Variants in NEK6 observed in about 807,000 individuals in gnomAD.
The protein encoded by NEK6 is serine/threonine-protein kinase Nek6.
Under a neutral mutation model 43.5 loss-of-function variants are expected in NEK6, and 27 were observed. The observed-to-expected ratio is 0.62, with a 90% CI of 0.46 to 0.86. The LOEUF is 0.86. Ranked by LOEUF, NEK6 falls within the 40% of genes least tolerant of loss-of-function variation. The probability of loss-of-function intolerance (pLI) is 0.00; values close to 1 mark genes in which losing one functional copy is unlikely to be tolerated. For missense variants in NEK6, 318 were observed against 414.4 expected, an observed-to-expected ratio of 0.77 and a Z score of 2.02; for synonymous variants, 167 against 164.1, an observed-to-expected ratio of 1.02 and a Z score of -0.14.
At chr9:124,340,493 C>T (rs191284086) in intron 8 of NEK6, among the ~76,000 whole-genome samples, 37 of 152,320 alleles carry the variant, frequency 2.4e-4, no homozygotes, top group African/African-American at 6.5e-4. Flanking sequence ...TGAGCCCCTC[C>T]GCATCTATAA....
At chr9:124,316,399 G>A (rs1297369728) in intron 4 of NEK6, among the ~76,000 whole-genome samples, 1 of 152,192 alleles carries the variant, frequency 6.6e-6, no homozygotes, top group East Asian at 1.9e-4. Context: ...GTTACATCCG[G>A]GAGGGCCTGG....
intron 2 of NEK6, among the ~76,000 whole-genome samples, chr9:124,306,046 C>A (rs867293044): frequency 1.2e-4 from 19 of 152,202 alleles, no homozygotes; most frequent in Middle Eastern, 3.4e-3. Flanking sequence ...GCTCAAGGCT[C>A]AGGGAAGGTG....
chr9:124,292,639 T>C, intron 1 of NEK6: 1 of 1,446,636 alleles, frequency 6.9e-7, no homozygotes, highest in Admixed American at 2.0e-5. Context: ...GCGGTTCTGC[T>C]CTGAAATCCA....
In NEK6 at chr9:124,325,928, G is replaced by A. The variant is rs181306842; in HGVS notation, c.406-402G>A. The stretch of plus-strand genomic sequence containing the variant: ...CCCTCCTGGGCCAGGCTGGGGCTGG[G>A]GACAGGGAGAGTCCACACCCATTTC... On this transcript the variant is annotated intron_variant, in intron 5 of 9. Coordinates refer to ENST00000320246, the MANE Select transcript of NEK6 (RefSeq NM_014397.6). Among the ~76,000 whole-genome samples, 366 of 152,338 alleles carry A rather than the reference G, an allele frequency of 2.4e-3. 1 individual carries two copies. Among genetic ancestry groups the A allele is most frequent in the African/African-American group, 8.8e-3 (364 of 41,572 alleles).
chr9:124,271,357 C>T (rs867652083), intron 1 of NEK6, among the ~76,000 whole-genome samples: 4 of 152,234 alleles, frequency 2.6e-5, no homozygotes, highest in East Asian at 1.9e-4. Context: ...CCAGCTGTCA[C>T]GCTGTTCCCA....
At chr9:124,331,387 G>A (rs1828990827) in intron 7 of NEK6, among the ~76,000 whole-genome samples, 1 of 151,924 alleles carries the variant, frequency 6.6e-6, no homozygotes, top group South Asian at 2.1e-4. Flanking sequence ...ACATCCCTGT[G>A]GTCACCCAGT....
chr9:124,262,787 G>GA (rs896099628), intron 1 of NEK6: 4 of 152,178 alleles, frequency 2.6e-5, no homozygotes, highest in African/African-American at 9.7e-5. Context: ...AGAATTCTAA[G>GA]AAAAAAGGGG....
At chr9:124,263,487 C>CT (rs1445778468) in intron 1 of NEK6, among the ~76,000 whole-genome samples, 1 of 152,338 alleles carries the variant, frequency 6.6e-6, no homozygotes, top group East Asian at 1.9e-4. Flanking sequence ...ACCTCAGAAG[C>CT]TTCGGGGGAG....
chr9:124,278,999 T>A (rs955023199), intron 1 of NEK6, among the ~76,000 whole-genome samples: 1 of 152,126 alleles, frequency 6.6e-6, no homozygotes, highest in Non-Finnish European at 1.5e-5. Flanking sequence ...GGTTTTCTGA[T>A]CACAAAAGTG....
At chr9:124,327,519 C>T (rs1039837084) in intron 7 of NEK6, 74 bp downstream of exon 7, 13 of 1,156,138 alleles carry the variant, frequency 1.1e-5, no homozygotes, top group Non-Finnish European at 1.7e-5. Context: ...CAAACATTCT[C>T]CCCACGTGTG....
chr9:124,314,025 G>C, intron 4 of NEK6, 40 bp downstream of exon 4: 1 of 1,597,128 alleles, frequency 6.3e-7, no homozygotes, highest in Non-Finnish European at 8.6e-7. Flanking sequence ...GCCTCCTCGG[G>C]GAGGTTCTGG....
At position 124,321,473 on chromosome 9, in the gene NEK6, A is replaced by G. The variant is rs199829118; in HGVS notation, c.309A>G (p.Pro103=). Residue 103 remains proline, a synonymous_variant, in exon 5 of 10, where the codon CCA becomes CCG. Transcript: ENST00000320246. ...EIGLLKQLNH[P]NIIKYLDSFI... is the part of the protein sequence containing the mutation. ...TCCTCATGCAGCAACTGAACCACCC[A>G]AATATCATCAAGTATTTGGACTCGT... is the stretch of plus-strand genomic sequence containing the variant. 1.3e-4 allele frequency: 213 copies of G among 1,613,274 alleles called. 1 individual carries two copies. The highest frequency in any genetic ancestry group is 3.3e-4 in the Middle Eastern group (2 of 6,080).
upstream of NEK6, chr9:124,257,740 C>A (rs1019541755): frequency 2.0e-6 from 3 of 1,523,422 alleles, no homozygotes; most frequent in African/African-American, 4.2e-5. Context: ...GGGCCTCAGT[C>A]TTCCCATCTC....
At chr9:124,332,115 GC>G (rs1350970412) in intron 7 of NEK6, among the ~76,000 whole-genome samples, 8 of 152,248 alleles carry the variant, frequency 5.3e-5, no homozygotes, top group African/African-American at 1.9e-4. Context: ...GCCTTAAGGG[GC>G]CAGCAAGTGA....
At chr9:124,341,111 C>A (rs904943823) in intron 8 of NEK6, among the ~76,000 whole-genome samples, 1 of 152,086 alleles carries the variant, frequency 6.6e-6, no homozygotes, top group East Asian at 1.9e-4. Context: ...GGCGCAATCT[C>A]GGCTCACTGC....
intron 7 of NEK6, among the ~76,000 whole-genome samples, chr9:124,333,732 C>G (rs1829141147): frequency 6.6e-6 from 1 of 151,628 alleles, no homozygotes; most frequent in Non-Finnish European, 1.5e-5. Context: ...TTCTAACCAG[C>G]CTCTCCAGGC....
chr9:124,347,489 C>T (rs898679554), intron 8 of NEK6, among the ~76,000 whole-genome samples: 2 of 152,348 alleles, frequency 1.3e-5, no homozygotes, highest in African/African-American at 4.8e-5. Flanking sequence ...CCGAAACCCT[C>T]GTGCCCACTT....
At chr9:124,347,384 A>T (rs558920663) in intron 8 of NEK6, among the ~76,000 whole-genome samples, 9 of 152,380 alleles carry the variant, frequency 5.9e-5, no homozygotes, top group Non-Finnish European at 1.0e-4. Context: ...AACCTGCCAC[A>T]TGGAGCCTGG....
chr9:124,293,089 G>C, intron 1 of NEK6: 3 of 1,368,264 alleles, frequency 2.2e-6, no homozygotes, highest in Non-Finnish European at 2.8e-6. Context: ...GGGACTCCTA[G>C]AGTGAGACCG....
Sources: gnomAD v4.1 joint callset for allele counts (sites outside exome capture counted in the v4.1 genomes callset) on GRCh38, gnomAD v4.1.1 for gene constraint, MANE v1.5 for transcripts, NCBI Gene and HGNC (gene_info 2026-07-23, HGNC 2026-07-21) for gene names.